Variants in PCNT observed in about 807,000 individuals in gnomAD.
PCNT encodes pericentrin.
PCNT carries 319 observed loss-of-function variants against 380.4 expected under a neutral mutation model. The ratio of observed to expected loss-of-function variants is 0.84; its 90% CI spans 0.77 to 0.92. PCNT has a LOEUF of 0.92. Among genes scored for constraint, PCNT ranks in the 40% least tolerant of loss-of-function variants. The pLI is 0.00. For synonymous variants in PCNT, 1,845 were observed against 1,735.2 expected (o/e 1.06, Z -1.57); for missense variants, 4,400 against 4,255.3 (o/e 1.03, Z -0.95).
intron 13 of PCNT, among the ~76,000 whole-genome samples, chr21:46,362,577 C>G (rs1193433327): frequency 1.3e-5 from 2 of 151,542 alleles, no homozygotes; most frequent in Non-Finnish European, 3.0e-5. Context: ...ATCTTACGTG[C>G]CTTTTTTTGG....
At chr21:46,325,510 G>A (rs191117729) in intron 1 of PCNT, among the ~76,000 whole-genome samples, 1 of 152,308 alleles carries the variant, frequency 6.6e-6, no homozygotes, top group East Asian at 1.9e-4. Flanking sequence ...ACGACATGAG[G>A]TTGACTTTGA....
At chr21:46,372,238 C>A (rs551492736) in intron 15 of PCNT, among the ~76,000 whole-genome samples, 1 of 151,322 alleles carries the variant, frequency 6.6e-6, no homozygotes, top group East Asian at 1.9e-4. Flanking sequence ...ACACACAGCA[C>A]ATGCACATAC....
chr21:46,421,898 C>T (rs2087267188), intron 31 of PCNT, 72 bp from the exon 32 acceptor site: 2 of 1,553,604 alleles, frequency 1.3e-6, no homozygotes, highest in Admixed American at 1.7e-5. Flanking sequence ...CCCTGTCCTG[C>T]CTCTGCAGTG....
chr21:46,442,557 C>T lies in PCNT; in HGVS notation c.9684C>T (p.Gly3228=), dbSNP rs1128166. Residue 3228 remains glycine, a synonymous_variant, in exon 44 of 47, where the codon GGC becomes GGT. Transcript: ENST00000359568. ...EVDRKGALAQ[G]KAPRPGPRAR... Reference sequence around the variant, plus strand: ...ATCGGAAAGGAGCTCTGGCACAAGGCAAAGCCCCTCGCCCAGGTGGGACTC... The same window carrying T: ...ATCGGAAAGGAGCTCTGGCACAAGGTAAAGCCCCTCGCCCAGGTGGGACTC... 187 of 1,609,714 alleles carry T rather than the reference C, an allele frequency of 1.2e-4. No individual in the cohort carries two copies. The highest frequency in any genetic ancestry group is 2.3e-4 in the Admixed American group (14 of 59,994).
rs1264450771 is a variant in PCNT at position 46,357,090 on chromosome 21, C to T, written c.2053C>T (p.Gln685Ter). 6.2e-7 allele frequency: 1 copy of T among 1,613,614 alleles called. No homozygotes were observed. The highest frequency in any genetic ancestry group is 8.5e-7 in the Non-Finnish European group (1 of 1,179,508). ...GCACAAGGTGCAACTTTCGCTTCTTCAGACTGAGCTCAAAGAAGAAATTGA... is the reference window on the plus strand; with the variant it reads ...GCACAAGGTGCAACTTTCGCTTCTTTAGACTGAGCTCAAAGAAGAAATTGA... ...TEHKVQLSLL[Q>*]TELKEEIELL... The change falls in exon 13 of 47, where the codon CAG becomes TAG. Residue 685 changes from glutamine to a stop codon, truncating the protein, a stop_gained. Transcript: ENST00000359568. LOFTEE classifies it high-confidence loss of function.
chr21:46,329,503 C>T (rs929020981), intron 2 of PCNT, among the ~76,000 whole-genome samples: 3 of 151,854 alleles, frequency 2.0e-5, no homozygotes, highest in African/African-American at 4.8e-5. Context: ...ATTAACTATA[C>T]CACTAATAAA....
intron 7 of PCNT, 92 bp downstream of exon 7, chr21:46,349,278 C>A: frequency 9.5e-7 from 1 of 1,057,490 alleles, no homozygotes; most frequent in Non-Finnish European, 1.5e-6. Flanking sequence ...TGCGTCATTG[C>A]GCACGTTTCC....
intron 13 of PCNT, among the ~76,000 whole-genome samples, chr21:46,359,431 A>G (rs1452849511): frequency 7.3e-6 from 1 of 137,302 alleles, no homozygotes; most frequent in Non-Finnish European, 1.6e-5. Flanking sequence ...ATGTCTTCCT[A>G]AAAATTCACC....
intron 9 of PCNT, among the ~76,000 whole-genome samples, chr21:46,351,805 G>A (rs891674880): frequency 6.6e-6 from 1 of 152,214 alleles, no homozygotes; most frequent in African/African-American, 2.4e-5. Flanking sequence ...CTTGCAGGGG[G>A]TGCCTTCATG....
At position 46,432,111 on chromosome 21, in the gene PCNT, AAAGAGC is replaced by A; in HGVS notation, c.8652_8657del (p.Gln2885_Glu2886del). ...ATTAGAGCAGTCACACCCACGGTTG[AAAGAGC>A]AAGAAGGACGCAAGGCTGCGAGGAG... On this transcript the variant is annotated inframe_deletion, in exon 38 of 47. Transcript: ENST00000359568. 6.2e-7 allele frequency: 1 copy of A among 1,614,148 alleles called. No individual in the cohort carries two copies. Among genetic ancestry groups the A allele is most frequent in the Non-Finnish European group, 8.5e-7 (1 of 1,180,046 alleles).
At chr21:46,374,491 C>T (rs2085268139) in intron 15 of PCNT, among the ~76,000 whole-genome samples, 1 of 152,136 alleles carries the variant, frequency 6.6e-6, no homozygotes, top group Non-Finnish European at 1.5e-5. Flanking sequence ...GGTGAGAATG[C>T]TTCTTGTATG....
chr21:46,366,939 G>T lies in PCNT; in HGVS notation c.2965G>T (p.Ala989Ser). ...FQTIREEHRQ[A>S]LELLRADFEE... is the part of the protein sequence containing the mutation. ...GACCATCCGTGAGGAGCACAGGCAGGCCCTAGAGCTCTTACGAGCAGACTT... is the reference window on the plus strand; with the variant it reads ...GACCATCCGTGAGGAGCACAGGCAGTCCCTAGAGCTCTTACGAGCAGACTT... The change falls in exon 15 of 47, where the codon GCC (alanine) becomes TCC (serine). Residue 989 changes from alanine to serine, a missense_variant. Transcript: ENST00000359568. The T allele has an allele frequency of 6.2e-7, 1 of 1,614,218 alleles. No individual in the cohort carries two copies. Among genetic ancestry groups the T allele is most frequent in the Non-Finnish European group, 8.5e-7 (1 of 1,180,038 alleles).
intron 35 of PCNT, among the ~76,000 whole-genome samples, chr21:46,429,189 T>C (rs1415874034): frequency 2.0e-5 from 3 of 152,100 alleles, no homozygotes; most frequent in South Asian, 2.1e-4. Flanking sequence ...CCGGCGCCCA[T>C]GCCCTTTGTG....
At chr21:46,375,573 A>G (rs1287998395) in intron 15 of PCNT, among the ~76,000 whole-genome samples, 1 of 151,540 alleles carries the variant, frequency 6.6e-6, no homozygotes, top group Non-Finnish European at 1.5e-5. Context: ...AGCCTCTGCC[A>G]GGGGGTTGCA....
Position 46,388,788 on chromosome 21 carries a change from G to A in PCNT, c.3511G>A (p.Glu1171Lys). 1 of 1,613,802 alleles carries A rather than the reference G, an allele frequency of 6.2e-7. No homozygotes were observed. The highest frequency in any genetic ancestry group is 1.1e-5 in the South Asian group (1 of 91,074). Residue 1171 changes from glutamate to lysine, a missense_variant, in exon 18 of 47, where the codon GAG (glutamate) becomes AAG (lysine). By Grantham distance (56) the Glu-to-Lys change is moderately conservative (BLOSUM62 1). Transcript: ENST00000359568. The surrounding 1 kb of genome is among the most constrained non-coding windows in gnomAD (Gnocchi z 4.2). Reference protein sequence around the residue: ...ALRRLLGLFGETLRAAVTLRS... With the variant: ...ALRRLLGLFGKTLRAAVTLRS... ...GCGCAGGCTGCTGGGTTTGTTTGGA[G>A]AGACGCTGAGGGCAGCCGTCACCCT...
In PCNT at chr21:46,324,189, C is replaced by T. The variant is rs1353335811; in HGVS notation, c.-40C>T. On this transcript the variant is annotated 5_prime_UTR_variant, in exon 1 of 47. Coordinates refer to ENST00000359568, the MANE Select transcript of PCNT (RefSeq NM_006031.6). ...TAGAGCGAAGGCTGCTCTGTGTCAG[C>T]CCCGTCACCGCCGGGCGGCCCGCGC... 1.5e-5 allele frequency: 23 copies of T among 1,574,132 alleles called. No individual in the cohort carries two copies. The highest frequency in any genetic ancestry group is 3.4e-4 in the Middle Eastern group (2 of 5,938).
intron 12 of PCNT, among the ~76,000 whole-genome samples, chr21:46,356,229 G>A (rs2084471327): frequency 6.6e-6 from 1 of 152,212 alleles, no homozygotes; most frequent in Non-Finnish European, 1.5e-5. Flanking sequence ...GTGGGGGTGA[G>A]GGGCTGAGGC....
intron 41 of PCNT, among the ~76,000 whole-genome samples, chr21:46,439,345 T>G (rs1410357631): frequency 6.6e-6 from 1 of 151,828 alleles, no homozygotes; most frequent in Non-Finnish European, 1.5e-5. Flanking sequence ...ACTTTTTGGG[T>G]TTTTTTTCTG....
Position 46,366,875 on chromosome 21 carries a change from C to A in PCNT, c.2901C>A (p.Ser967Arg). 6.2e-7 allele frequency: 1 copy of A among 1,614,194 alleles called. No homozygotes were observed. The highest frequency in any genetic ancestry group is 8.5e-7 in the Non-Finnish European group (1 of 1,180,046). Residue 967 changes from serine (S) to arginine (R), a missense_variant, in exon 15 of 47, where the codon AGC (serine) becomes AGA (arginine). By Grantham distance (110) the Ser-to-Arg change is moderately radical. Coordinates refer to ENST00000359568, the MANE Select transcript of PCNT (RefSeq NM_006031.6). ...CTCTGGAGACCAGACATCTGTCCAG[C>A]CTTGATTCTTTGGAATCCTGTTACC... is the stretch of plus-strand genomic sequence containing the variant. Reference protein sequence around the residue: ...LGALETRHLSSLDSLESCYLS... With the variant: ...LGALETRHLSRLDSLESCYLS...
Sources: gnomAD v4.1 joint callset for allele counts (sites outside exome capture counted in the v4.1 genomes callset) on GRCh38, gnomAD v4.1.1 for gene constraint, Gnocchi (gnomAD v3.1) non-coding constraint, MANE v1.5 for transcripts, NCBI Gene and HGNC (gene_info 2026-07-23, HGNC 2026-07-21) for gene names.